Variants in STARD13 observed in about 807,000 individuals in gnomAD.
STARD13 encodes the protein stAR-related lipid transfer protein 13.
A neutral mutation model predicts 106.4 loss-of-function variants in STARD13; 62 were observed. The ratio of observed to expected loss-of-function variants is 0.58; its 90% CI spans 0.48 to 0.72. The LOEUF (loss-of-function observed/expected upper bound fraction) is 0.72, where lower values mean the gene tolerates loss of function less well. Among genes scored for constraint, STARD13 ranks in the 30% least tolerant of loss-of-function variants. The pLI is 0.00. For missense variants in STARD13, 1,387 were observed against 1,424.0 expected (o/e 0.97, Z 0.42); for synonymous variants, 565 against 553.0 (o/e 1.02, Z -0.31).
the STARD13 span, among the ~76,000 whole-genome samples, chr13:33,658,668 C>T: frequency 6.6e-6 from 1 of 152,190 alleles, no homozygotes; most frequent in Non-Finnish European, 1.5e-5. Flanking sequence ...GGTCTTCGTC[C>T]TCCTTTCCTG....
the STARD13 span, among the ~76,000 whole-genome samples, chr13:33,368,525 AAACAGCAGCAGCAG>A: frequency 9.9e-5 from 15 of 152,150 alleles, no homozygotes; most frequent in Non-Finnish European, 1.5e-5. Flanking sequence ...TTTTAGCAAG[AAACAGCAGCAGCAG>A]CAGCAGCAGC....
At chr13:33,639,010 C>G in the STARD13 span, among the ~76,000 whole-genome samples, 10 of 151,878 alleles carry the variant, frequency 6.6e-5, no homozygotes, top group African/African-American at 2.4e-4. Flanking sequence ...TATTTGTGAA[C>G]CAGACATTTT....
At chr13:33,560,231 A>C in the STARD13 span, among the ~76,000 whole-genome samples, 1 of 151,588 alleles carries the variant, frequency 6.6e-6, no homozygotes, top group Non-Finnish European at 1.5e-5. Context: ...ATATTAGTGC[A>C]ACATTAGTTC....
chr13:33,155,434 C>T (rs1881834251), intron 3 of STARD13: 1 of 152,196 alleles, frequency 6.6e-6, no homozygotes, highest in Admixed American at 6.5e-5. Context: ...CAAGGCAAGG[C>T]ATTTTTTAAA....
the STARD13 span, among the ~76,000 whole-genome samples, chr13:33,532,732 T>C: frequency 5.3e-5 from 8 of 152,214 alleles, no homozygotes; most frequent in African/African-American, 1.9e-4. Flanking sequence ...AAAAAAGTTG[T>C]ACTTCTGAGC....
chr13:33,639,931 T>C, the STARD13 span, among the ~76,000 whole-genome samples: 1 of 152,326 alleles, frequency 6.6e-6, no homozygotes, highest in African/African-American at 2.4e-5. Context: ...CAATGAAACT[T>C]TGTTAAATTG....
the STARD13 span, among the ~76,000 whole-genome samples, chr13:33,551,545 C>T: frequency 8.1e-6 from 1 of 122,716 alleles, no homozygotes; most frequent in African/African-American, 3.0e-5. Context: ...CTTCTGTCTA[C>T]AAGAGACAAG....
intron 1 of STARD13, among the ~76,000 whole-genome samples, chr13:33,301,083 T>C (rs1285391969): frequency 1.3e-5 from 2 of 152,238 alleles, no homozygotes; most frequent in Admixed American, 6.5e-5. Context: ...GATTATTTGA[T>C]TAATATCTGT....
the STARD13 span, among the ~76,000 whole-genome samples, chr13:33,368,127 C>T: frequency 6.6e-6 from 1 of 152,110 alleles, no homozygotes; most frequent in South Asian, 2.1e-4. Flanking sequence ...GGGAGTAAAC[C>T]CCATGACTCA....
intron 1 of STARD13, among the ~76,000 whole-genome samples, chr13:33,239,064 T>C (rs1466455557): frequency 6.6e-6 from 1 of 151,736 alleles, no homozygotes; most frequent in Non-Finnish European, 1.5e-5. Context: ...CAGTCATCAT[T>C]CTACTTTCTG....
chr13:33,319,625 G>C (rs1174914999), intron 1 of STARD13, among the ~76,000 whole-genome samples: 1 of 152,092 alleles, frequency 6.6e-6, no homozygotes, highest in Non-Finnish European at 1.5e-5. Context: ...CAGTGGAATG[G>C]GACAAGCACT....
chr13:33,111,992 T>C (rs1296709423), intron 9 of STARD13, 100 bp from the exon 10 acceptor site: 7 of 704,692 alleles, frequency 9.9e-6, no homozygotes, highest in East Asian at 2.7e-5. Flanking sequence ...CCAGATGCTA[T>C]CCAGATCCCA....
At chr13:33,482,002 G>T in the STARD13 span, among the ~76,000 whole-genome samples, 1 of 147,576 alleles carries the variant, frequency 6.8e-6, no homozygotes, top group African/African-American at 2.5e-5. Flanking sequence ...AAAAAAGAAA[G>T]AAAAAAAAAG....
chr13:33,429,933 G>A, the STARD13 span, among the ~76,000 whole-genome samples: 3 of 148,484 alleles, frequency 2.0e-5, no homozygotes, highest in African/African-American at 5.2e-5. Flanking sequence ...TTTTTGGGGG[G>A]GGGGGACGGA....
exon 2 of STARD13, chr13:33,349,179 C>G: frequency 1.4e-6 from 1 of 702,386 alleles, no homozygotes; most frequent in South Asian, 1.5e-5. Context: ...CTTTCTTCTG[C>G]CCCATGTGGT....
At chr13:33,351,845 C>T (rs1333775950), upstream of STARD13, among the ~76,000 whole-genome samples, 3 of 152,202 alleles carry the variant, frequency 2.0e-5, no homozygotes, top group Non-Finnish European at 4.4e-5. Flanking sequence ...TAAATTGCTA[C>T]TGACTTAGGG....
At chr13:33,674,465 A>C in the STARD13 span, among the ~76,000 whole-genome samples, 5 of 152,258 alleles carry the variant, frequency 3.3e-5, no homozygotes, top group Non-Finnish European at 5.9e-5. Flanking sequence ...GTGTGGTTTC[A>C]TCAGGATTTG....
chr13:33,523,911 A>T, the STARD13 span, among the ~76,000 whole-genome samples: 5 of 152,154 alleles, frequency 3.3e-5, no homozygotes, highest in African/African-American at 4.8e-5. Flanking sequence ...GGAGATTTGC[A>T]TTTGCAGCAT....
chr13:33,122,871 A>G lies in STARD13; in HGVS notation c.2082+3210T>C, dbSNP rs372110862. 9.9e-5 allele frequency among the ~76,000 whole-genome samples: 15 copies of G among 152,180 alleles called. No homozygotes were observed. The East Asian group carries it at 2.5e-3, about 26-fold the overall frequency. On this transcript the variant is annotated intron_variant, in intron 7 of 13. Transcript: ENST00000336934. Reference sequence around the variant, plus strand: ...GGAGTTCGAGACCAGCCTGGCCAACATGGTGAAACCCTATCTCTATTAAAA... The same window carrying G: ...GGAGTTCGAGACCAGCCTGGCCAACGTGGTGAAACCCTATCTCTATTAAAA...
Sources: gnomAD v4.1 joint callset for allele counts (sites outside exome capture counted in the v4.1 genomes callset) on GRCh38, gnomAD v4.1.1 for gene constraint, MANE v1.5 for transcripts, NCBI Gene and HGNC (gene_info 2026-07-23, HGNC 2026-07-21) for gene names.